The following RBFOX1 variants were observed in gnomAD, a reference collection of about 807,000 sequenced individuals.
RBFOX1 encodes the protein RNA binding protein fox-1 homolog 1.
A neutral mutation model predicts 57.7 loss-of-function variants in RBFOX1; 8 were observed. That is an observed-to-expected ratio of 0.14 (90% confidence interval 0.08 to 0.25). RBFOX1 has a LOEUF of 0.25. RBFOX1 is among the 10% of genes least tolerant of loss of function. The pLI is 1.00. For synonymous variants in RBFOX1, 326 were observed against 222.4 expected, an observed-to-expected ratio of 1.47 and a Z score of -4.15; for missense variants, 611 against 548.5, an observed-to-expected ratio of 1.11 and a Z score of -1.14.
At chr16:7,053,478 C>G (rs2050810664) in intron 4 of RBFOX1, among the ~76,000 whole-genome samples, 1 of 152,092 alleles carries the variant, frequency 6.6e-6, no homozygotes, top group African/African-American at 2.4e-5. Flanking sequence ...TGGATGGGGA[C>G]GATGGTCAGA....
At chr16:6,596,390 G>A (rs62015538) in intron 2 of RBFOX1, among the ~76,000 whole-genome samples, 7,464 of 152,164 alleles carry the variant, frequency 0.049, 260 homozygotes, top group Non-Finnish European at 0.071. Context: ...AATTGACTAG[G>A]TACTTCTTAC....
At chr16:6,503,479 A>C (rs796951257) in intron 2 of RBFOX1, among the ~76,000 whole-genome samples, 1 of 152,182 alleles carries the variant, frequency 6.6e-6, no homozygotes. Flanking sequence ...TCAGCAGGAC[A>C]TTTCTTCTGA....
rs1008630601 is a variant in RBFOX1, at chr16:5,906,121, C to A, written c.351+38786C>A. ...AGCAAACACCTCAACTGGTATTTTT[C>A]TTGACACAAGCATTAGGGATTGAGT... On this transcript the variant is annotated intron_variant, in intron 4 of 19. Transcript: ENST00000641259. Among the ~76,000 whole-genome samples the A allele has an allele frequency of 4.6e-5, 7 of 152,114 alleles. No individual in the cohort carries two copies. The South Asian group carries it at 1.5e-3, about 32-fold the overall frequency.
intron 2 of RBFOX1, among the ~76,000 whole-genome samples, chr16:6,417,047 T>C (rs1225800171): frequency 1.3e-5 from 2 of 152,204 alleles, no homozygotes; most frequent in African/African-American, 4.8e-5. Flanking sequence ...AGTCTCTCTC[T>C]GTCACCCAGG....
chr16:6,080,039 CT>C (rs2095976387), intron 1 of RBFOX1, among the ~76,000 whole-genome samples: 1 of 152,084 alleles, frequency 6.6e-6, no homozygotes, highest in African/African-American at 2.4e-5. Flanking sequence ...GAATTTAAGT[CT>C]GGTAATGCTA....
chr16:6,498,898 A>G (rs1049017665), intron 2 of RBFOX1, among the ~76,000 whole-genome samples: 1 of 152,126 alleles, frequency 6.6e-6, no homozygotes, highest in Non-Finnish European at 1.5e-5. Flanking sequence ...TACTGACACC[A>G]CCTTCTATAG....
At chr16:7,546,916 C>G (rs890271595) in intron 5 of RBFOX1, among the ~76,000 whole-genome samples, 12 of 152,158 alleles carry the variant, frequency 7.9e-5, no homozygotes, top group African/African-American at 2.4e-4. Flanking sequence ...ACAAGTAGAA[C>G]TTCTGGGTCA....
chr16:6,219,849 T>C (rs1012010690), intron 1 of RBFOX1, among the ~76,000 whole-genome samples: 13 of 152,050 alleles, frequency 8.5e-5, no homozygotes, highest in African/African-American at 1.9e-4. Flanking sequence ...GTGCTCCAGA[T>C]TGGGCAACAA....
chr16:5,981,453 G>A (rs2060170578), intron 4 of RBFOX1, among the ~76,000 whole-genome samples: 2 of 152,154 alleles, frequency 1.3e-5, no homozygotes, highest in Admixed American at 6.5e-5. Flanking sequence ...TCCTTCTGAA[G>A]TTGTGTGATG....
At chr16:5,811,632 G>A (rs1029187815) in intron 3 of RBFOX1, among the ~76,000 whole-genome samples, 1 of 151,936 alleles carries the variant, frequency 6.6e-6, no homozygotes, top group Non-Finnish European at 1.5e-5. Flanking sequence ...TGTAATTTTA[G>A]TAGAGACAGG....
intron 2 of RBFOX1, among the ~76,000 whole-genome samples, chr16:5,494,460 G>A (rs2042935663): frequency 1.3e-5 from 2 of 152,184 alleles, no homozygotes; most frequent in Admixed American, 1.3e-4. Context: ...GAATTACTCT[G>A]GGGGCATTGA....
In RBFOX1 at chr16:6,904,042, C is replaced by G. The variant is rs547215257; in HGVS notation, c.-15-148015C>G. On this transcript the variant is annotated intron_variant, in intron 3 of 15. Transcript: ENST00000550418. The stretch of plus-strand genomic sequence containing the variant: ...ACAAATGCCCCCACCTGAGGTCATA[C>G]AGAGATAAGCTACCCCCATGGGGGC... Among the ~76,000 whole-genome samples, 3 of 152,152 alleles carry G rather than the reference C, an allele frequency of 2.0e-5. No homozygotes were observed. The East Asian group carries it at 5.8e-4, about 29-fold the overall frequency.
chr16:5,428,684 A>C (rs1423629880), intron 1 of RBFOX1, among the ~76,000 whole-genome samples: 1 of 152,168 alleles, frequency 6.6e-6, no homozygotes, highest in Non-Finnish European at 1.5e-5. Flanking sequence ...GGAGCTGGCC[A>C]GTGGACATCT....
At chr16:7,209,142 A>AAATAATAAT (rs60784195) in intron 4 of RBFOX1, among the ~76,000 whole-genome samples, 10 of 140,480 alleles carry the variant, frequency 7.1e-5, no homozygotes, top group South Asian at 2.3e-4. Flanking sequence ...CAAAAATACA[A>AAATAATAAT]AATAATAATA....
chr16:6,461,923 G>T (rs2094929806), intron 2 of RBFOX1, among the ~76,000 whole-genome samples: 1 of 152,094 alleles, frequency 6.6e-6, no homozygotes, highest in Non-Finnish European at 1.5e-5. Flanking sequence ...ATTAGCTTTT[G>T]GTGGGGCAAG....
intron 4 of RBFOX1, chr16:7,304,452 T>C (rs2096122238): frequency 8.1e-6 from 8 of 985,116 alleles, no homozygotes; most frequent in Non-Finnish European, 8.4e-6. Flanking sequence ...GTCCCCAGCT[T>C]TCGTGTGCCT....
At chr16:6,957,388 T>G (rs1204788716) in intron 3 of RBFOX1, among the ~76,000 whole-genome samples, 1 of 149,112 alleles carries the variant, frequency 6.7e-6, no homozygotes. Flanking sequence ...CCCAATGTGC[T>G]GCGACTCACG....
chr16:5,287,448 T>A (rs555547030), intron 1 of RBFOX1, among the ~76,000 whole-genome samples: 9 of 152,356 alleles, frequency 5.9e-5, no homozygotes, highest in Admixed American at 4.6e-4. Context: ...CATCTAGCTA[T>A]TAAAAATTGG....
chr16:7,624,508 G>A (rs1436925707), intron 10 of RBFOX1, among the ~76,000 whole-genome samples: 5 of 152,164 alleles, frequency 3.3e-5, no homozygotes, highest in Non-Finnish European at 7.4e-5. Flanking sequence ...CTCTGGAAAA[G>A]CACATGGAGT....
Sources: allele counts gnomAD v4.1 joint callset (sites outside exome capture counted in the v4.1 genomes callset), GRCh38; gene constraint gnomAD v4.1.1; transcripts MANE v1.5; gene names NCBI Gene and HGNC (gene_info 2026-07-23, HGNC 2026-07-21).